Variants in NOX5 observed in about 807,000 individuals in gnomAD.
The protein encoded by NOX5 is NADPH oxidase 5, also known as NADPH oxidase, EF-hand calcium binding domain 5.
Under a neutral mutation model 85.7 loss-of-function variants are expected in NOX5, and 76 were observed. That is an observed-to-expected ratio of 0.89 (90% CI 0.74 to 1.07). The LOEUF (loss-of-function observed/expected upper bound fraction) is 1.07, where lower values mean the gene tolerates loss of function less well. NOX5 is among the 50% of genes least tolerant of loss of function. NOX5 has a pLI of 0.00. For missense variants in NOX5, 973 were observed against 999.5 expected, an observed-to-expected ratio of 0.97 and a Z score of 0.36; for synonymous variants, 405 against 401.4, an observed-to-expected ratio of 1.01 and a Z score of -0.11.
rs374767247 is a variant in NOX5, at chr15:69,034,767, G to C, written c.856-587G>C. ...TTTATTTATTTATTTATTTATTTGAGACATGGTCTTTGTCACCCAGGCTGG... is the reference window on the plus strand; with the variant it reads ...TTTATTTATTTATTTATTTATTTGACACATGGTCTTTGTCACCCAGGCTGG... On this transcript the variant is annotated intron_variant, in intron 5 of 15. Transcript: ENST00000388866. Among the ~76,000 whole-genome samples, 156 of 152,186 alleles carry C rather than the reference G, an allele frequency of 1.0e-3. 1 individual carries two copies. Among genetic ancestry groups the C allele is most frequent in the African/African-American group, 3.6e-3 (149 of 41,530 alleles).
intron 4 of NOX5, 111 bp from the exon 5 acceptor site, chr15:69,032,932 G>T (rs1230813460): frequency 3.0e-5 from 42 of 1,421,726 alleles, no homozygotes; most frequent in Non-Finnish European, 3.7e-5. Flanking sequence ...GAAGAAAGCC[G>T]GCCTGCTTGC....
Position 69,059,111 on chromosome 15 carries a change from T to G in NOX5, c.*2415T>G, listed in dbSNP as rs746373786. 2.0e-5 allele frequency: 3 copies of G among 152,216 alleles called. No homozygotes were observed. Among genetic ancestry groups the G allele is most frequent in the Admixed American group, 6.5e-5 (1 of 15,284 alleles). The allele number at this position is 152,216 out of a possible 1,614,324, so 9.4% of individuals were successfully genotyped here. A position where few individuals can be genotyped will look rare whatever the true frequency, so the allele number is the denominator to read the frequency against. ...CCACCCGCATATACAAATAGTCAGC[T>G]GTTCGTTTAGGACTTAATAATATAG... On this transcript the variant is annotated 3_prime_UTR_variant, in exon 16 of 16. Transcript: ENST00000388866.
rs560982375 is a variant in NOX5, at chr15:69,035,393, A to C, written c.895A>C (p.Thr299Pro). ...ACGCTGCCTCACCTGGCTGCGGGCC[A>C]CGTGGCTGGCTCAAGTCCTACCACT... ...LRRCLTWLRA[T>P]WLAQVLPLDQ... Residue 299 changes from threonine (T) to proline (P), a missense_variant, in exon 6 of 16, where the codon ACG becomes CCG. By Grantham distance (38) the Thr-to-Pro change is conservative. Coordinates refer to ENST00000388866, the MANE Select transcript of NOX5 (RefSeq NM_024505.4). 1 of 1,614,200 alleles carries C rather than the reference A, an allele frequency of 6.2e-7. No homozygotes were observed. Among genetic ancestry groups the C allele is most frequent in the African/African-American group, 1.3e-5 (1 of 75,060 alleles).
chr15:69,017,089 C>A (rs972414666), intron 1 of NOX5, among the ~76,000 whole-genome samples: 1 of 152,020 alleles, frequency 6.6e-6, no homozygotes, highest in Non-Finnish European at 1.5e-5. Context: ...ACCTGAATGA[C>A]GAAACCTTGG....
chr15:69,017,942 G>C (rs1011548326), intron 1 of NOX5, among the ~76,000 whole-genome samples: 4 of 152,072 alleles, frequency 2.6e-5, no homozygotes, highest in African/African-American at 9.7e-5. Context: ...TGCTGTCTGA[G>C]GGTTTCTTTT....
At position 69,031,830 on chromosome 15, in the gene NOX5, G is replaced by T; in HGVS notation, c.620+18G>T. 3 of 1,584,762 alleles carry T rather than the reference G, an allele frequency of 1.9e-6. No homozygotes were observed. The highest frequency in any genetic ancestry group is 2.6e-6 in the Non-Finnish European group (3 of 1,160,402). The stretch of plus-strand genomic sequence containing the variant: ...ACCATCAGGTACGGCCGGGTCTCGG[G>T]CATTGGCACTGTCCACGGCGGCGTT... On this transcript the variant is annotated intron_variant, in intron 4 of 15. Coordinates refer to ENST00000388866, the MANE Select transcript of NOX5 (RefSeq NM_024505.4).
chr15:69,046,731 G>T, intron 10 of NOX5, 91 bp from the exon 11 acceptor site: 1 of 1,237,136 alleles, frequency 8.1e-7, no homozygotes, highest in South Asian at 1.5e-5. Context: ...TTTTTATAAA[G>T]TTGCTCAGAC....
chr15:69,047,987 T>C (rs2050696995), intron 13 of NOX5, 76 bp downstream of exon 13: 1 of 1,311,846 alleles, frequency 7.6e-7, no homozygotes, highest in Admixed American at 1.7e-5. Flanking sequence ...CCCATCCTCC[T>C]GTGCAAAGGT....
At position 69,037,083 on chromosome 15, in the gene NOX5, A is replaced by T; in HGVS notation, c.1244A>T (p.His415Leu). The change falls in exon 8 of 16, where the codon CAT becomes CTT. Residue 415 changes from histidine to leucine, a missense_variant. Physicochemically the swap from His to Leu is moderately conservative, Grantham distance 99. Transcript: ENST00000388866. ...CTCGTGTGGCTTCTGCTCATCTTTC[A>T]TGGGCCCAACTTCTGGAAGTGGCTG... is the stretch of plus-strand genomic sequence containing the variant. ...YLLVWLLLIF[H>L]GPNFWKWLLV... 1 of 1,612,970 alleles carries T rather than the reference A, an allele frequency of 6.2e-7. No individual in the cohort carries two copies.
chr15:69,048,043 T>G, intron 13 of NOX5, 132 bp downstream of exon 13: 1 of 719,608 alleles, frequency 1.4e-6, no homozygotes, highest in Non-Finnish European at 2.3e-6. Flanking sequence ...TTCCCCACAA[T>G]ACCCTGAATT....
rs530769123 is a variant in NOX5, at chr15:69,045,240, G to A, written c.1648-1582G>A. ...TAACTTTTGCGTAAGAACTGCCCCA[G>A]TAATACTTTCTACTTAGTATTTCTC... On this transcript the variant is annotated intron_variant, in intron 10 of 15. Transcript: ENST00000388866. 4.6e-5 allele frequency among the ~76,000 whole-genome samples: 7 copies of A among 152,180 alleles called. No homozygotes were observed. The South Asian group carries it at 8.3e-4, about 18-fold the overall frequency.
chr15:69,057,825 C>G lies in NOX5; in HGVS notation c.*1129C>G, dbSNP rs973428768. The G allele has an allele frequency of 6.6e-6, 1 of 152,382 alleles. No individual in the cohort carries two copies. The highest frequency in any genetic ancestry group is 1.5e-5 in the Non-Finnish European group (1 of 68,136). 9.4% of individuals were successfully genotyped at this position (152,382 alleles called of 1,614,324 possible). On this transcript the variant is annotated 3_prime_UTR_variant, in exon 16 of 16. Transcript: ENST00000388866. The stretch of plus-strand genomic sequence containing the variant: ...CTCCTTGCTGCTCCAGGCTTTCGTG[C>G]ATCTACATCATTTCTCTTTATCCTG...
At chr15:69,028,449 G>A in intron 3 of NOX5, 84 bp downstream of exon 3, 13 of 1,387,908 alleles carry the variant, frequency 9.4e-6, no homozygotes, top group Non-Finnish European at 1.3e-5. Flanking sequence ...TGGCAGGCCT[G>A]GAGGTGCCAT....
At chr15:69,055,679 C>T (rs1489943623) in intron 15 of NOX5, among the ~76,000 whole-genome samples, 179 bp downstream of exon 15, 1 of 152,038 alleles carries the variant, frequency 6.6e-6, no homozygotes, top group African/African-American at 2.4e-5. Flanking sequence ...TATCACTAAC[C>T]TTTGTTCCAT....
At chr15:69,047,120 G>T (rs1319167899) in intron 11 of NOX5, 3 of 565,596 alleles carry the variant, frequency 5.3e-6, no homozygotes, top group Non-Finnish European at 9.3e-6. Context: ...ATAGGCCTAC[G>T]TGCTCTCCAT....
At chr15:69,020,745 GGA>G (rs2050286429) in intron 1 of NOX5, among the ~76,000 whole-genome samples, 1 of 151,896 alleles carries the variant, frequency 6.6e-6, no homozygotes, top group East Asian at 1.9e-4. Flanking sequence ...CCTAGTATTT[GGA>G]GATTGAATTT....
chr15:69,015,603 G>T (rs1300725549), intron 1 of NOX5, among the ~76,000 whole-genome samples: 1 of 152,182 alleles, frequency 6.6e-6, no homozygotes, highest in African/African-American at 2.4e-5. Flanking sequence ...GGTGAAATGT[G>T]CAGATTCCTG....
In NOX5 at chr15:69,055,394, C is replaced by T; in HGVS notation, c.2060C>T (p.Ala687Val). The T allele has an allele frequency of 6.2e-7, 1 of 1,614,210 alleles. No individual in the cohort carries two copies. Among genetic ancestry groups the T allele is most frequent in the Non-Finnish European group, 8.5e-7 (1 of 1,180,048 alleles). The change falls in exon 15 of 16, where the codon GCC becomes GTC. Residue 687 changes from alanine (A) to valine (V), a missense_variant. By Grantham distance (64) the Ala-to-Val change is moderately conservative. Coordinates refer to ENST00000388866, the MANE Select transcript of NOX5 (RefSeq NM_024505.4). ...TSALGKNDMK[A>V]IGLQMALDLL... ...GCACTGGGCAAGAATGACATGAAGG[C>T]CATTGGCCTGCAGATGGCCCTTGAC...
intron 5 of NOX5, among the ~76,000 whole-genome samples, chr15:69,034,057 A>G (rs1351115681): frequency 2.6e-5 from 4 of 152,168 alleles, no homozygotes; most frequent in Non-Finnish European, 5.9e-5. Flanking sequence ...GCTTATATGC[A>G]TGCTCTATTA....
Sources: allele counts gnomAD v4.1 joint callset (sites outside exome capture counted in the v4.1 genomes callset), GRCh38; gene constraint gnomAD v4.1.1; transcripts MANE v1.5; gene names NCBI Gene and HGNC (gene_info 2026-07-23, HGNC 2026-07-21).